The following CACNA1D variants were observed in gnomAD, a reference collection of about 807,000 sequenced individuals.
CACNA1D encodes the protein voltage-dependent L-type calcium channel subunit alpha-1D.
CACNA1D carries 55 observed loss-of-function variants against 257.1 expected under a neutral mutation model. The ratio of observed to expected loss-of-function variants is 0.21; its 90% CI spans 0.17 to 0.27. CACNA1D has a LOEUF of 0.27. Among genes scored for constraint, CACNA1D ranks in the 10% least tolerant of loss-of-function variants. CACNA1D has a pLI of 1.00. For missense variants in CACNA1D, 1,876 were observed against 2,784.0 expected (o/e 0.67, Z 7.34); for synonymous variants, 980 against 1,014.9 (o/e 0.97, Z 0.65).
chr3:53,691,631 T>C (rs958079834), intron 8 of CACNA1D, among the ~76,000 whole-genome samples: 1 of 143,090 alleles, frequency 7.0e-6, no homozygotes, highest in Non-Finnish European at 1.5e-5. Flanking sequence ...CTCAGATGCC[T>C]GAAATACTTT....
intron 3 of CACNA1D, among the ~76,000 whole-genome samples, chr3:53,503,314 T>C (rs1012340370): frequency 1.3e-5 from 2 of 152,224 alleles, no homozygotes. Flanking sequence ...ATGTAGCTTT[T>C]GATTTCTTTG....
At chr3:53,607,436 A>G (rs550000380) in intron 3 of CACNA1D, among the ~76,000 whole-genome samples, 77 of 152,238 alleles carry the variant, frequency 5.1e-4, no homozygotes, top group Admixed American at 1.3e-3. Flanking sequence ...TCAGAGAGAC[A>G]TGGTAGAAGG....
At chr3:53,520,490 G>C (rs934892980) in intron 3 of CACNA1D, among the ~76,000 whole-genome samples, 3 of 152,196 alleles carry the variant, frequency 2.0e-5, no homozygotes, top group Non-Finnish European at 4.4e-5. Flanking sequence ...TTGTGGCAGG[G>C]CATGGTGGCT....
intron 30 of CACNA1D, chr3:53,765,662 C>G (rs569899071): frequency 6.5e-6 from 1 of 152,796 alleles, no homozygotes; most frequent in East Asian, 1.9e-4. Flanking sequence ...GTCAGTCACA[C>G]TTGGCTCTGT....
intron 21 of CACNA1D, among the ~76,000 whole-genome samples, chr3:53,741,031 G>A (rs1559605917): frequency 6.6e-6 from 1 of 152,194 alleles, no homozygotes; most frequent in Non-Finnish European, 1.5e-5. Context: ...CCCTTTGGCC[G>A]GGGTGACCTA....
chr3:53,705,636 C>A (rs146628532), intron 9 of CACNA1D, among the ~76,000 whole-genome samples: 15 of 152,136 alleles, frequency 9.9e-5, no homozygotes, highest in Admixed American at 3.9e-4. Context: ...CAGTGCTTCC[C>A]GAGTCATCAG....
chr3:53,679,374 A>T (rs2094407811), intron 8 of CACNA1D: 1 of 150,542 alleles, frequency 6.6e-6, no homozygotes, highest in African/African-American at 2.4e-5. Flanking sequence ...AATTTCCTCC[A>T]ATATATATAC....
intron 39 of CACNA1D, 182 bp downstream of exon 39, chr3:53,781,849 C>T (rs2095426958): frequency 4.7e-6 from 3 of 631,806 alleles, no homozygotes; most frequent in Non-Finnish European, 8.6e-6. Flanking sequence ...ATATGAAGAA[C>T]ATTCCAGACA....
chr3:53,667,904 G>T (rs142496836), intron 7 of CACNA1D, among the ~76,000 whole-genome samples: 1 of 151,580 alleles, frequency 6.6e-6, no homozygotes, highest in Non-Finnish European at 1.5e-5. Flanking sequence ...TTCATAAAGA[G>T]GAAGGAGGAA....
In CACNA1D at chr3:53,761,792, G is replaced by A. The variant is rs144627813; in HGVS notation, c.3787-206G>A. Among the ~76,000 whole-genome samples, 443 of 152,214 alleles carry A rather than the reference G, an allele frequency of 2.9e-3. 2 individuals are homozygous for A. The highest frequency in any genetic ancestry group is 9.6e-3 in the African/African-American group (397 of 41,530). On this transcript the variant is annotated intron_variant, in intron 29 of 47. Transcript: ENST00000350061. ...TGCACACGTGCGTGTGTGCGTGGGC[G>A]TGCACCTTCTCTCACACATAAAGGT...
At chr3:53,707,403 G>C (rs987518933) in intron 9 of CACNA1D, among the ~76,000 whole-genome samples, 1 of 152,096 alleles carries the variant, frequency 6.6e-6, no homozygotes, top group Non-Finnish European at 1.5e-5. Context: ...CACTGTTCCA[G>C]GCATTCACTT....
intron 3 of CACNA1D, among the ~76,000 whole-genome samples, chr3:53,506,029 A>G (rs1402569546): frequency 1.3e-5 from 2 of 152,194 alleles, no homozygotes; most frequent in African/African-American, 4.8e-5. Context: ...TTTTGCACCT[A>G]GAGGTGTGAA....
chr3:53,709,302 T>C (rs2094724891), intron 9 of CACNA1D, among the ~76,000 whole-genome samples: 1 of 152,188 alleles, frequency 6.6e-6, no homozygotes, highest in South Asian at 2.1e-4. Context: ...ACTTGACAGA[T>C]GGGGAAACTA....
intron 9 of CACNA1D, among the ~76,000 whole-genome samples, chr3:53,716,260 G>A (rs1435504638): frequency 1.3e-5 from 2 of 152,250 alleles, no homozygotes; most frequent in Non-Finnish European, 1.5e-5. Flanking sequence ...GTGATCCATT[G>A]CCCAGGAGAC....
At position 53,521,612 on chromosome 3, in the gene CACNA1D, G is replaced by A. The variant is rs139626611; in HGVS notation, c.483+19892G>A. ...CCCCACTGTTTCTGAGGGTCGAAAGGTTTGGGTGTATATGTAGGGAAAGAT... is the reference window on the plus strand; with the variant it reads ...CCCCACTGTTTCTGAGGGTCGAAAGATTTGGGTGTATATGTAGGGAAAGAT... On this transcript the variant is annotated intron_variant, in intron 3 of 47. Coordinates refer to ENST00000350061, the MANE Select transcript of CACNA1D (RefSeq NM_001128840.3). Among the ~76,000 whole-genome samples the A allele has an allele frequency of 6.6e-5, 10 of 152,212 alleles. No individual in the cohort carries two copies. The East Asian group carries it at 1.9e-3, about 29-fold the overall frequency.
intron 3 of CACNA1D, among the ~76,000 whole-genome samples, chr3:53,506,174 T>A (rs2090838088): frequency 6.6e-6 from 1 of 152,218 alleles, no homozygotes; most frequent in Non-Finnish European, 1.5e-5. Context: ...TTCTTATTTC[T>A]GTAGGCCTAG....
At chr3:53,742,956 GT>G (rs2095132013) in intron 21 of CACNA1D, 54 bp from the exon 22 acceptor site, 2 of 1,145,910 alleles carry the variant, frequency 1.7e-6, no homozygotes. Context: ...AAGAGCCCAG[GT>G]TTCTTTTCCT....
intron 3 of CACNA1D, among the ~76,000 whole-genome samples, chr3:53,638,343 C>T (rs913479882): frequency 6.6e-5 from 10 of 152,190 alleles, no homozygotes; most frequent in African/African-American, 1.7e-4. Flanking sequence ...GGGCCTCCTC[C>T]GGGAAGAATT....
rs910178415 is a variant in CACNA1D, at chr3:53,811,160, T to C, written c.6240T>C (p.Phe2080=). 1 of 1,614,120 alleles carries C rather than the reference T, an allele frequency of 6.2e-7. No homozygotes were observed. Among genetic ancestry groups the C allele is most frequent in the Non-Finnish European group, 8.5e-7 (1 of 1,180,012 alleles). The part of the protein sequence containing the change: ...GLGRYARDPK[F]VSATKHEIAD... ...GACGCTATGCAAGGGACCCAAAATTTGTGTCAGCAACAAAACACGAAATCG... is the reference window on the plus strand; with the variant it reads ...GACGCTATGCAAGGGACCCAAAATTCGTGTCAGCAACAAAACACGAAATCG... The change falls in exon 48 of 48, where the codon TTT becomes TTC. Residue 2080 remains phenylalanine (F), a synonymous_variant. Transcript: ENST00000350061. This position sits in a 1 kb window ranked among gnomAD's most constrained non-coding sequence, Gnocchi z 4.2.
Sources: allele counts gnomAD v4.1 joint callset (sites outside exome capture counted in the v4.1 genomes callset), GRCh38; gene constraint gnomAD v4.1.1; non-coding constraint Gnocchi (gnomAD v3.1); transcripts MANE v1.5; gene names NCBI Gene and HGNC (gene_info 2026-07-23, HGNC 2026-07-21).